GPHN: variants seen among roughly 807,000 people sequenced by gnomAD.
The protein encoded by GPHN is gephyrin.
In GPHN, 17 loss-of-function variants were observed where a neutral mutation model predicts 95.5. The ratio of observed to expected loss-of-function variants is 0.18; its 90% CI spans 0.12 to 0.27. GPHN has a LOEUF of 0.27. GPHN is among the 10% of genes least tolerant of loss of function. The pLI, the probability that GPHN is intolerant of heterozygous loss-of-function variation, is 1.00. For synonymous variants in GPHN, 320 were observed against 322.5 expected, an observed-to-expected ratio of 0.99 and a Z score of 0.08; for missense variants, 660 against 978.1, an observed-to-expected ratio of 0.67 and a Z score of 4.34.
At chr14:66,522,093 C>A (rs536482677) in intron 1 of GPHN, among the ~76,000 whole-genome samples, 2 of 152,180 alleles carry the variant, frequency 1.3e-5, no homozygotes, top group East Asian at 3.9e-4. Flanking sequence ...TGGCTTAAAC[C>A]TAGGCCCCTG....
At chr14:67,364,369 G>A in the GPHN span, 15 of 159,948 alleles carry the variant, frequency 9.4e-5, 1 homozygote, top group East Asian at 1.7e-3. Flanking sequence ...TGCTCACTTC[G>A]GCAAAGAGTA....
the GPHN span, among the ~76,000 whole-genome samples, chr14:67,419,519 C>A: frequency 6.6e-6 from 1 of 152,230 alleles, no homozygotes; most frequent in Non-Finnish European, 1.5e-5. Context: ...GGCATGCCTC[C>A]ACGCAGGGCT....
At chr14:67,461,960 G>T in the GPHN span, among the ~76,000 whole-genome samples, 1 of 152,264 alleles carries the variant, frequency 6.6e-6, no homozygotes, top group African/African-American at 2.4e-5. Flanking sequence ...GATTGGGCAG[G>T]TCAAGTTGTC....
At chr14:66,904,764 G>A (rs534347337) in intron 5 of GPHN, among the ~76,000 whole-genome samples, 101 of 152,282 alleles carry the variant, frequency 6.6e-4, no homozygotes, top group African/African-American at 2.3e-3. Flanking sequence ...CAAAGGGTCA[G>A]TGGGTTGGTC....
the GPHN span, chr14:67,592,924 T>C: frequency 1.1e-5 from 5 of 445,778 alleles, no homozygotes; most frequent in Admixed American, 3.8e-5. Context: ...TAGCTGGGAT[T>C]ACAGGCGCTC....
the GPHN span, chr14:67,384,142 A>C: frequency 6.6e-6 from 1 of 152,338 alleles, no homozygotes; most frequent in Non-Finnish European, 1.5e-5. Flanking sequence ...TGTGTGAGAG[A>C]ATTTATCACA....
At chr14:67,238,150 C>T in the GPHN span, among the ~76,000 whole-genome samples, 2 of 152,156 alleles carry the variant, frequency 1.3e-5, no homozygotes, top group African/African-American at 4.8e-5. Context: ...ACTCTTTCAG[C>T]TACCCTTCAG....
the GPHN span, chr14:67,573,730 C>A: frequency 2.0e-6 from 2 of 975,772 alleles, no homozygotes; most frequent in Non-Finnish European, 3.3e-6. This position sits in a 1 kb window ranked among gnomAD's most constrained non-coding sequence, Gnocchi z 4.8. Flanking sequence ...GGAGGAAGAT[C>A]TGAGGGTAAA....
chr14:66,999,350 T>G (rs2072058635), intron 9 of GPHN, among the ~76,000 whole-genome samples: 1 of 151,990 alleles, frequency 6.6e-6, no homozygotes, highest in Non-Finnish European at 1.5e-5. Flanking sequence ...TTACATAGTT[T>G]GGGGTATATA....
At chr14:67,376,392 A>G in the GPHN span, 8 of 1,512,426 alleles carry the variant, frequency 5.3e-6, no homozygotes, top group Non-Finnish European at 7.1e-6. Context: ...AACATTTTTT[A>G]TAAATCTCTT....
chr14:66,677,657 C>T (rs1436239514), intron 1 of GPHN, among the ~76,000 whole-genome samples: 1 of 150,070 alleles, frequency 6.7e-6, no homozygotes, highest in African/African-American at 2.5e-5. Flanking sequence ...TGATATAATA[C>T]TGATTTTTGA....
intron 10 of GPHN, among the ~76,000 whole-genome samples, chr14:67,042,986 T>C (rs2074792833): frequency 6.6e-6 from 1 of 152,218 alleles, no homozygotes; most frequent in South Asian, 2.1e-4. Flanking sequence ...TTATTCTCTT[T>C]GTAGCAGTTG....
chr14:67,414,603 T>C, the GPHN span, among the ~76,000 whole-genome samples: 2 of 152,206 alleles, frequency 1.3e-5, no homozygotes, highest in African/African-American at 2.4e-5. Context: ...CAGGGACAGA[T>C]AATGCCTAGG....
At chr14:67,101,818 GA>G (rs898026744) in intron 13 of GPHN, among the ~76,000 whole-genome samples, 1 of 150,604 alleles carries the variant, frequency 6.6e-6, no homozygotes, top group South Asian at 2.1e-4. Flanking sequence ...ATTTTTATAG[GA>G]AAAAAATAAC....
chr14:66,974,885 C>T (rs533123081), intron 9 of GPHN, among the ~76,000 whole-genome samples: 44 of 152,156 alleles, frequency 2.9e-4, no homozygotes, highest in African/African-American at 9.6e-4. Flanking sequence ...AGTTACTTCA[C>T]CTCTATAACC....
intron 1 of GPHN, among the ~76,000 whole-genome samples, chr14:66,632,768 G>A (rs1433584992): frequency 6.6e-6 from 1 of 152,046 alleles, no homozygotes; most frequent in Admixed American, 6.6e-5. Context: ...TGGAATTACA[G>A]GTGTGAGCCA....
chr14:67,196,351 G>T, the GPHN span, among the ~76,000 whole-genome samples: 19 of 151,900 alleles, frequency 1.3e-4, no homozygotes, highest in East Asian at 3.1e-3. Flanking sequence ...CGAATAGCTG[G>T]GATTACAGGC....
chr14:67,147,750 G>T (rs962842247), intron 18 of GPHN, among the ~76,000 whole-genome samples: 10 of 152,122 alleles, frequency 6.6e-5, no homozygotes, highest in African/African-American at 2.4e-4. Context: ...CAAAGGCATT[G>T]TCAAATTTCC....
intron 5 of GPHN, among the ~76,000 whole-genome samples, chr14:66,895,512 A>C (rs1372664735): frequency 6.6e-6 from 1 of 152,220 alleles, no homozygotes; most frequent in Non-Finnish European, 1.5e-5. Flanking sequence ...TATAATTTTA[A>C]AAAATATGTT....
Sources: allele counts gnomAD v4.1 joint callset (sites outside exome capture counted in the v4.1 genomes callset), GRCh38; gene constraint gnomAD v4.1.1; non-coding constraint Gnocchi (gnomAD v3.1); transcripts MANE v1.5; gene names NCBI Gene and HGNC (gene_info 2026-07-23, HGNC 2026-07-21).